The following NKAIN2 variants were observed in gnomAD, a reference collection of about 807,000 sequenced individuals.
NKAIN2 encodes the protein sodium/potassium transporting ATPase interacting 2, also known as sodium/potassium-transporting ATPase subunit beta-1-interacting protein 2.
In NKAIN2, 14 loss-of-function variants were observed where a neutral mutation model predicts 32.6. The ratio of observed to expected loss-of-function variants is 0.43; its 90% CI spans 0.28 to 0.67. NKAIN2 has a LOEUF of 0.67. Ranked by LOEUF, NKAIN2 falls within the 30% of genes least tolerant of loss-of-function variation. The probability of loss-of-function intolerance (pLI) is 0.17; values close to 1 mark genes in which losing one functional copy is unlikely to be tolerated. For missense variants in NKAIN2, 198 were observed against 258.3 expected, an observed-to-expected ratio of 0.77 and a Z score of 1.60; for synonymous variants, 80 against 87.2, an observed-to-expected ratio of 0.92 and a Z score of 0.46.
At chr6:124,364,245 A>AG (rs1396746426) in intron 3 of NKAIN2, among the ~76,000 whole-genome samples, 3 of 80,694 alleles carry the variant, frequency 3.7e-5, no homozygotes, top group Admixed American at 1.2e-4. Flanking sequence ...ACCAAAAAAA[A>AG]AAAAAAGAGA....
At chr6:124,083,992 G>A (rs1784085879) in intron 1 of NKAIN2, among the ~76,000 whole-genome samples, 1 of 151,934 alleles carries the variant, frequency 6.6e-6, no homozygotes, top group South Asian at 2.1e-4. Flanking sequence ...AGAGAAACAG[G>A]TACCAATAAA....
chr6:124,462,274 T>C (rs1028708853), intron 3 of NKAIN2, among the ~76,000 whole-genome samples: 2 of 151,932 alleles, frequency 1.3e-5, no homozygotes, highest in African/African-American at 4.8e-5. Flanking sequence ...CACCATAATC[T>C]AATAAAATTC....
chr6:124,704,422 CACAGGT>C (rs908677686), intron 4 of NKAIN2, among the ~76,000 whole-genome samples: 1 of 151,958 alleles, frequency 6.6e-6, no homozygotes, highest in Admixed American at 6.6e-5. Context: ...ATTAAAATCC[CACAGGT>C]ACTTATACCC....
At chr6:124,169,285 T>G (rs907288502) in intron 1 of NKAIN2, among the ~76,000 whole-genome samples, 3 of 152,152 alleles carry the variant, frequency 2.0e-5, no homozygotes, top group Non-Finnish European at 2.9e-5. Context: ...ATTCTTTACA[T>G]TCTGAGAAAT....
intron 1 of NKAIN2, among the ~76,000 whole-genome samples, chr6:123,950,299 A>C (rs1190869723): frequency 6.6e-6 from 1 of 151,810 alleles, no homozygotes; most frequent in East Asian, 1.9e-4. Context: ...TTGATACCAC[A>C]GTAAAACTGG....
chr6:124,728,829 AAAG>A, intron 4 of NKAIN2, among the ~76,000 whole-genome samples: 1 of 151,884 alleles, frequency 6.6e-6, no homozygotes, highest in Non-Finnish European at 1.5e-5. Flanking sequence ...ATAAAGAAAA[AAAG>A]AGAGAAGAAT....
chr6:124,614,194 G>A (rs1782796782), intron 3 of NKAIN2, among the ~76,000 whole-genome samples: 2 of 152,142 alleles, frequency 1.3e-5, no homozygotes, highest in African/African-American at 4.8e-5. Context: ...AGGAGTTCGA[G>A]ACCAGCCTGG....
At chr6:124,579,781 A>G (rs987236442) in intron 3 of NKAIN2, among the ~76,000 whole-genome samples, 1 of 152,216 alleles carries the variant, frequency 6.6e-6, no homozygotes, top group Non-Finnish European at 1.5e-5. Flanking sequence ...AAGACATTTA[A>G]TAATCAAACT....
intron 1 of NKAIN2, among the ~76,000 whole-genome samples, chr6:124,198,317 C>T (rs543534922): frequency 6.6e-6 from 1 of 151,874 alleles, no homozygotes; most frequent in East Asian, 2.0e-4. Flanking sequence ...CTTCATGCTC[C>T]GCCCGTGTTG....
chr6:123,928,841 A>G (rs1045633674), intron 1 of NKAIN2, among the ~76,000 whole-genome samples: 2 of 152,174 alleles, frequency 1.3e-5, no homozygotes, highest in African/African-American at 4.8e-5. Context: ...GCAGCTGAAG[A>G]ATGAGGAATG....
At chr6:124,495,409 GT>G (rs1310931335) in intron 3 of NKAIN2, among the ~76,000 whole-genome samples, 1 of 151,068 alleles carries the variant, frequency 6.6e-6, no homozygotes, top group Non-Finnish European at 1.5e-5. Flanking sequence ...TTGTTGTTAT[GT>G]TTTCCCTTGA....
chr6:123,820,594 C>T (rs928534), intron 1 of NKAIN2, among the ~76,000 whole-genome samples: 18,409 of 152,100 alleles, frequency 0.12, 1,749 homozygotes, highest in East Asian at 0.52. Context: ...ATGAATAAGT[C>T]AAGCCAGGAT....
intron 3 of NKAIN2, among the ~76,000 whole-genome samples, chr6:124,506,069 T>C (rs1364569605): frequency 2.0e-5 from 3 of 151,848 alleles, no homozygotes; most frequent in African/African-American, 7.3e-5. Context: ...TAGTCCCAGC[T>C]ACTCGGGATG....
At chr6:124,102,137 A>G (rs903288887) in intron 1 of NKAIN2, among the ~76,000 whole-genome samples, 1 of 152,236 alleles carries the variant, frequency 6.6e-6, no homozygotes, top group African/African-American at 2.4e-5. Context: ...AGAATGTAAC[A>G]GTCTCTTAGT....
intron 3 of NKAIN2, among the ~76,000 whole-genome samples, chr6:124,594,931 GT>G (rs572463942): frequency 6.0e-4 from 91 of 152,236 alleles, no homozygotes; most frequent in Middle Eastern, 3.4e-3. Flanking sequence ...ATAGGAAAGT[GT>G]TTCTAAGGGA....
chr6:124,698,823 A>C (rs12526280), intron 4 of NKAIN2, among the ~76,000 whole-genome samples: 1 of 152,072 alleles, frequency 6.6e-6, no homozygotes, highest in Admixed American at 6.6e-5. Context: ...GGAACAAGAG[A>C]ATTTCCACAG....
At chr6:124,402,844 A>G (rs943973069) in intron 3 of NKAIN2, among the ~76,000 whole-genome samples, 5 of 152,312 alleles carry the variant, frequency 3.3e-5, no homozygotes, top group South Asian at 4.1e-4. Context: ...AAAACTACCT[A>G]TCGGGCACCA....
chr6:123,877,939 A>G lies in NKAIN2; in HGVS notation c.54+73685A>G, dbSNP rs117041171. Among the ~76,000 whole-genome samples, 1,076 of 152,286 alleles carry G rather than the reference A, an allele frequency of 7.1e-3. 86 individuals are homozygous for G. In the East Asian group the frequency reaches 0.18, roughly 25 times the overall value. On this transcript the variant is annotated intron_variant, in intron 1 of 6. Transcript: ENST00000368417. Reference sequence around the variant, plus strand: ...TTAATTTTAGCTTTTAATAAATTGTAATTATCGCCGGGTGTGGTGGCCTAC... The same window carrying G: ...TTAATTTTAGCTTTTAATAAATTGTGATTATCGCCGGGTGTGGTGGCCTAC...
chr6:124,544,158 T>C (rs1780007106), intron 3 of NKAIN2, among the ~76,000 whole-genome samples: 1 of 152,126 alleles, frequency 6.6e-6, no homozygotes, highest in African/African-American at 2.4e-5. Flanking sequence ...GTGAACTTTC[T>C]TGTGAGAGAC....
Sources: allele counts gnomAD v4.1 joint callset (sites outside exome capture counted in the v4.1 genomes callset), GRCh38; gene constraint gnomAD v4.1.1; transcripts MANE v1.5; gene names NCBI Gene and HGNC (gene_info 2026-07-23, HGNC 2026-07-21).